The following GADL1 variants were observed in gnomAD, a reference collection of about 807,000 sequenced individuals.
GADL1 encodes the protein GAD like acidic amino acid decarboxylase 1.
GADL1 carries 71 observed loss-of-function variants against 69.5 expected under a neutral mutation model. The ratio of observed to expected loss-of-function variants is 1.02; its 90% CI spans 0.84 to 1.25. The LOEUF (loss-of-function observed/expected upper bound fraction) is 1.25. Among genes scored for constraint, GADL1 ranks in the 50% most tolerant of loss-of-function variants. GADL1 has a pLI of 0.00. For missense variants in GADL1, 737 were observed against 631.8 expected, an observed-to-expected ratio of 1.17 and a Z score of -1.79; for synonymous variants, 254 against 214.4, an observed-to-expected ratio of 1.18 and a Z score of -1.62.
intron 14 of GADL1, among the ~76,000 whole-genome samples, chr3:30,775,844 C>A (rs551724645): frequency 6.6e-6 from 1 of 152,250 alleles, no homozygotes; most frequent in South Asian, 2.1e-4. Flanking sequence ...CGCCTGTAAT[C>A]CCAACAATTT....
At chr3:30,787,787 T>C (rs963432223) in intron 12 of GADL1, among the ~76,000 whole-genome samples, 1 of 152,158 alleles carries the variant, frequency 6.6e-6, no homozygotes, top group African/African-American at 2.4e-5. Flanking sequence ...AATGGTTTTT[T>C]AAAATAATAA....
At chr3:30,857,471 AAG>A (rs1176119670) in intron 2 of GADL1, among the ~76,000 whole-genome samples, 2 of 152,042 alleles carry the variant, frequency 1.3e-5, no homozygotes, top group African/African-American at 2.4e-5. Flanking sequence ...AAAATTAAAA[AAG>A]ATAAAAAATT....
intron 1 of GADL1, among the ~76,000 whole-genome samples, chr3:30,888,720 C>A (rs1305784862): frequency 1.3e-5 from 2 of 152,014 alleles, no homozygotes; most frequent in Admixed American, 6.6e-5. Flanking sequence ...GGGCACTCAA[C>A]AAGTTTATCA....
At chr3:30,728,468 T>A in intron 14 of GADL1, 53 bp from the exon 15 acceptor site, 1 of 1,457,634 alleles carries the variant, frequency 6.9e-7, no homozygotes, top group Non-Finnish European at 9.6e-7. Context: ...TCAAGGCATT[T>A]CAATAGCATT....
chr3:30,860,988 A>G (rs1458507377), intron 2 of GADL1, among the ~76,000 whole-genome samples: 1 of 151,978 alleles, frequency 6.6e-6, no homozygotes. Flanking sequence ...CATAGTAAGT[A>G]TTCTTAAGAG....
intron 14 of GADL1, among the ~76,000 whole-genome samples, chr3:30,769,614 AG>A (rs1696370521): frequency 1.3e-5 from 2 of 152,154 alleles, no homozygotes; most frequent in African/African-American, 4.8e-5. Flanking sequence ...AAACTTCAGG[AG>A]AGGCATTGAA....
rs549737797 is a variant in GADL1 at position 30,855,156 on chromosome 3, TA to T, written c.338-368del. The stretch of plus-strand genomic sequence containing the variant: ...ACTGAATATAAATTATACCTCATTC[TA>T]AAAAAATCCAAAACAGGATCATGCG... On this transcript the variant is annotated intron_variant, in intron 3 of 14. Coordinates refer to ENST00000282538, the MANE Select transcript of GADL1 (RefSeq NM_207359.3). 6.6e-5 allele frequency among the ~76,000 whole-genome samples: 10 copies of T among 152,176 alleles called. No homozygotes were observed. In the East Asian group the frequency reaches 1.9e-3, roughly 29 times the overall value.
At chr3:30,746,198 A>T (rs1293662503) in intron 14 of GADL1, among the ~76,000 whole-genome samples, 1 of 152,032 alleles carries the variant, frequency 6.6e-6, no homozygotes, top group Non-Finnish European at 1.5e-5. Flanking sequence ...CATGTTCACC[A>T]GGCTGGTTCG....
chr3:30,747,962 T>C (rs11920008), intron 14 of GADL1, among the ~76,000 whole-genome samples: 33,183 of 152,222 alleles, frequency 0.22, 5,565 homozygotes, highest in African/African-American at 0.47. Context: ...AACCATTCAA[T>C]GGCTGAAAAA....
intron 8 of GADL1, among the ~76,000 whole-genome samples, chr3:30,842,046 T>A (rs1225162901): frequency 6.6e-6 from 1 of 152,110 alleles, no homozygotes; most frequent in Non-Finnish European, 1.5e-5. Context: ...AAAGACCTGA[T>A]CTTTTCAACA....
intron 11 of GADL1, among the ~76,000 whole-genome samples, chr3:30,827,881 T>C (rs1254603632): frequency 6.6e-6 from 1 of 151,894 alleles, no homozygotes; most frequent in Non-Finnish European, 1.5e-5. Flanking sequence ...CACAAGAGAT[T>C]GATCTCTCTC....
rs760088668 is a variant in GADL1 at position 30,833,918 on chromosome 3, A to C, written c.985T>G (p.Trp329Gly). 1 of 1,612,446 alleles carries C rather than the reference A, an allele frequency of 6.2e-7. No individual in the cohort carries two copies. ...HGIHRADSVA[W>G]NPHKMLMAGI... Reference sequence around the variant, plus strand: ...GCCATCAGCATCTTGTGTGGGTTCCAGGCCACAGAGTCAGCCCTATTGTTT... The same window carrying C: ...GCCATCAGCATCTTGTGTGGGTTCCCGGCCACAGAGTCAGCCCTATTGTTT... The change falls in exon 11 of 15, where the codon TGG becomes GGG. Residue 329 changes from tryptophan (W) to glycine (G), a missense_variant. By Grantham distance (184) the Trp-to-Gly change is radical. Coordinates refer to ENST00000282538, the MANE Select transcript of GADL1 (RefSeq NM_207359.3).
chr3:30,838,697 A>T lies in GADL1; in HGVS notation c.903+300T>A, dbSNP rs142464415. On this transcript the variant is annotated intron_variant, in intron 9 of 14. Coordinates refer to ENST00000282538, the MANE Select transcript of GADL1 (RefSeq NM_207359.3). The stretch of plus-strand genomic sequence containing the variant: ...CAAACCAAAGTCTCTCGGCTCCCTA[A>T]CCTAAAATGGGTGCCTTACACCAGG... 3.9e-5 allele frequency among the ~76,000 whole-genome samples: 6 copies of T among 152,214 alleles called. No homozygotes were observed. In the East Asian group the frequency reaches 1.2e-3, roughly 29 times the overall value.
At chr3:30,763,739 C>T (rs1471222138) in intron 14 of GADL1, among the ~76,000 whole-genome samples, 1 of 151,942 alleles carries the variant, frequency 6.6e-6, no homozygotes, top group Non-Finnish European at 1.5e-5. Flanking sequence ...GTTGAAAAAT[C>T]CTTAGGTCTA....
intron 14 of GADL1, among the ~76,000 whole-genome samples, chr3:30,757,833 C>CTA (rs1553636090): frequency 6.6e-6 from 1 of 152,182 alleles, no homozygotes; most frequent in African/African-American, 2.4e-5. Context: ...CCAGAATACA[C>CTA]TAATAGCAAA....
intron 14 of GADL1, among the ~76,000 whole-genome samples, chr3:30,752,174 T>C (rs906125429): frequency 1.4e-5 from 2 of 143,592 alleles, no homozygotes; most frequent in African/African-American, 2.8e-5. Context: ...GGCTCTGATG[T>C]AGTGCTGTTA....
intron 14 of GADL1, among the ~76,000 whole-genome samples, chr3:30,776,769 C>T (rs1049779100): frequency 3.9e-5 from 6 of 152,162 alleles, no homozygotes; most frequent in African/African-American, 2.4e-5. Flanking sequence ...AGCTTTCTGC[C>T]GTGGAAGGCA....
intron 12 of GADL1, 140 bp from the exon 13 acceptor site, chr3:30,786,546 GGATA>G (rs1339498268): frequency 2.7e-5 from 17 of 620,672 alleles, no homozygotes; most frequent in South Asian, 5.7e-5. Flanking sequence ...GCAGAGCTAT[GGATA>G]GATAAATACT....
chr3:30,772,468 C>T (rs1240622290), intron 14 of GADL1, among the ~76,000 whole-genome samples: 1 of 152,084 alleles, frequency 6.6e-6, no homozygotes, highest in Non-Finnish European at 1.5e-5. Flanking sequence ...CTAACATTTC[C>T]CATCTTATCT....
Sources: gnomAD v4.1 joint callset for allele counts (sites outside exome capture counted in the v4.1 genomes callset) on GRCh38, gnomAD v4.1.1 for gene constraint, MANE v1.5 for transcripts, NCBI Gene and HGNC (gene_info 2026-07-23, HGNC 2026-07-21) for gene names.